Variants in EBF1 observed in about 807,000 individuals in gnomAD.
EBF1 encodes EBF transcription factor 1, also known as transcription factor COE1.
A neutral mutation model predicts 68.4 loss-of-function variants in EBF1; 10 were observed. That is an observed-to-expected ratio of 0.15 (90% CI 0.09 to 0.25). EBF1 has a LOEUF of 0.25. EBF1 is among the 10% of genes least tolerant of loss of function. The probability of loss-of-function intolerance (pLI) is 1.00; values close to 1 mark genes in which losing one functional copy is unlikely to be tolerated. For synonymous variants in EBF1, 298 were observed against 299.8 expected (o/e 0.99, Z 0.06); for missense variants, 509 against 794.4 (o/e 0.64, Z 4.32).
intron 10 of EBF1, among the ~76,000 whole-genome samples, chr5:158,736,111 C>A (rs960344771): frequency 6.6e-6 from 1 of 152,092 alleles, no homozygotes; most frequent in African/African-American, 2.4e-5. Context: ...TTAAAGAAAT[C>A]CACTTCACAA....
At chr5:159,043,729 T>C (rs1463063413) in intron 6 of EBF1, among the ~76,000 whole-genome samples, 1 of 152,232 alleles carries the variant, frequency 6.6e-6, no homozygotes, top group Non-Finnish European at 1.5e-5. Flanking sequence ...CCAAAGGTCT[T>C]AATGGTAGCA....
rs73816083 is a variant in EBF1 at position 158,890,248 on chromosome 5, T to A, written c.555-50138A>T. On this transcript the variant is annotated intron_variant, in intron 6 of 15. Coordinates refer to ENST00000313708, the MANE Select transcript of EBF1 (RefSeq NM_024007.5). ...TAAATGTTACACTTACTTAATTTTTTAAAAATGTTTAATTCCTGCTGTCTG... is the reference window on the plus strand; with the variant it reads ...TAAATGTTACACTTACTTAATTTTTAAAAAATGTTTAATTCCTGCTGTCTG... Among the ~76,000 whole-genome samples, 584 of 152,356 alleles carry A rather than the reference T, an allele frequency of 3.8e-3. 2 individuals are homozygous for A. The highest frequency in any genetic ancestry group is 0.013 in the African/African-American group (521 of 41,586).
intron 6 of EBF1, among the ~76,000 whole-genome samples, chr5:159,012,026 C>T (rs748497988): frequency 2.6e-5 from 4 of 152,040 alleles, no homozygotes; most frequent in East Asian, 3.9e-4. Flanking sequence ...CAGTGACTCA[C>T]GCCTGTAATC....
intron 6 of EBF1, among the ~76,000 whole-genome samples, chr5:159,047,610 T>C (rs1772682580): frequency 6.6e-6 from 1 of 152,140 alleles, no homozygotes; most frequent in Non-Finnish European, 1.5e-5. Flanking sequence ...GGAAGATGAA[T>C]TCATGTTTTG....
At chr5:158,984,077 A>T (rs1193745463) in intron 6 of EBF1, among the ~76,000 whole-genome samples, 1 of 152,194 alleles carries the variant, frequency 6.6e-6, no homozygotes, top group Non-Finnish European at 1.5e-5. Context: ...CTTCCAAATC[A>T]TACCTGGAAT....
chr5:158,739,262 C>T (rs1765812903), intron 10 of EBF1, among the ~76,000 whole-genome samples: 1 of 152,140 alleles, frequency 6.6e-6, no homozygotes, highest in African/African-American at 2.4e-5. Context: ...CTTTCTTGCC[C>T]TGGAGGGCTA....
chr5:158,931,395 T>C (rs1007101121), intron 6 of EBF1, among the ~76,000 whole-genome samples: 6 of 152,220 alleles, frequency 3.9e-5, no homozygotes, highest in African/African-American at 1.4e-4. Flanking sequence ...TTTTCCTTCC[T>C]CATGGTATTC....
Position 159,026,892 on chromosome 5 carries a change from C to T in EBF1, c.554+46504G>A, listed in dbSNP as rs1330268625. 2.0e-5 allele frequency among the ~76,000 whole-genome samples: 3 copies of T among 152,170 alleles called. No individual in the cohort carries two copies. The East Asian group carries it at 5.8e-4, about 29-fold the overall frequency. ...GAAAAAAGTAGGCCTCTGCCTGCAG[C>T]ACAAACAAATTCCCACTTGGGGGGA... is the stretch of plus-strand genomic sequence containing the variant. On this transcript the variant is annotated intron_variant, in intron 6 of 15. Transcript: ENST00000313708.
chr5:158,796,417 A>G lies in EBF1; in HGVS notation c.837T>C (p.Thr279=). ...AGAAATTGTCCCCTATGATGATCAC[A>G]GTCGCACCTCCCGTCGTCCATCCTT... is the stretch of plus-strand genomic sequence containing the variant. ...PSEGWTTGGA[T]VIIIGDNFFD... The change falls in exon 9 of 16, where the codon ACT becomes ACC. Residue 279 remains threonine, a synonymous_variant. Transcript: ENST00000313708. The G allele has an allele frequency of 1.2e-6, 2 of 1,613,814 alleles. No homozygotes were observed. Among genetic ancestry groups the G allele is most frequent in the Non-Finnish European group, 1.7e-6 (2 of 1,179,778 alleles).
chr5:159,017,003 G>A (rs980545389), intron 6 of EBF1, among the ~76,000 whole-genome samples: 1 of 152,156 alleles, frequency 6.6e-6, no homozygotes, highest in African/African-American at 2.4e-5. Context: ...AAAATGTTCT[G>A]ATTGCCACAT....
At chr5:158,887,416 A>G (rs1052146827) in intron 6 of EBF1, among the ~76,000 whole-genome samples, 1 of 152,226 alleles carries the variant, frequency 6.6e-6, no homozygotes, top group African/African-American at 2.4e-5. Context: ...TCCTTTCTTC[A>G]GAAACAGCCA....
In EBF1 at chr5:158,745,079, T is replaced by A. The variant is rs116041057; in HGVS notation, c.1037-13922A>T. 8.9e-3 allele frequency among the ~76,000 whole-genome samples: 1,356 copies of A among 152,318 alleles called. 24 individuals are homozygous for A. Among genetic ancestry groups the A allele is most frequent in the African/African-American group, 0.031 (1,276 of 41,570 alleles). Reference sequence around the variant, plus strand: ...ATAGTGTATAATAACTAGAATTTAATCTTCCCCTTTGGATGTTGGTGGTCT... The same window carrying A: ...ATAGTGTATAATAACTAGAATTTAAACTTCCCCTTTGGATGTTGGTGGTCT... On this transcript the variant is annotated intron_variant, in intron 10 of 15. Transcript: ENST00000313708.
At chr5:158,968,971 C>T (rs1754745868) in intron 6 of EBF1, among the ~76,000 whole-genome samples, 1 of 152,142 alleles carries the variant, frequency 6.6e-6, no homozygotes, top group African/African-American at 2.4e-5. Flanking sequence ...ATGTACCAAC[C>T]TAGCCTGGAT....
chr5:159,098,677 TGAAA>T (rs1448394993), intron 1 of EBF1, among the ~76,000 whole-genome samples: 3 of 117,160 alleles, frequency 2.6e-5, no homozygotes, highest in African/African-American at 6.7e-5. Context: ...GAGAAGGAAA[TGAAA>T]GAAAGAAGAA....
At chr5:158,936,278 C>CAT (rs1219121422) in intron 6 of EBF1, among the ~76,000 whole-genome samples, 1 of 152,160 alleles carries the variant, frequency 6.6e-6, no homozygotes, top group African/African-American at 2.4e-5. Context: ...GGATGACCCA[C>CAT]ATATATATAG....
intron 4 of EBF1, among the ~76,000 whole-genome samples, chr5:159,086,538 T>C (rs6898290): frequency 0.52 from 78,701 of 152,012 alleles, 22,160 homozygotes; most frequent in African/African-American, 0.76. Context: ...GTAGAACATC[T>C]CTCAATTTGG....
intron 6 of EBF1, among the ~76,000 whole-genome samples, chr5:158,968,702 G>A (rs1754687387): frequency 6.6e-6 from 1 of 152,138 alleles, no homozygotes; most frequent in African/African-American, 2.4e-5. Context: ...AAACATCAAA[G>A]GACTTATGAT....
At chr5:158,935,395 C>G (rs973357566) in intron 6 of EBF1, among the ~76,000 whole-genome samples, 2 of 152,190 alleles carry the variant, frequency 1.3e-5, no homozygotes, top group African/African-American at 4.8e-5. Flanking sequence ...CCCAGCAAGC[C>G]TCTGGGGAGC....
intron 6 of EBF1, among the ~76,000 whole-genome samples, chr5:159,025,219 G>T (rs1767463275): frequency 6.6e-6 from 1 of 152,152 alleles, no homozygotes; most frequent in African/African-American, 2.4e-5. Context: ...GTTTATAACT[G>T]CCTTTCTTTG....
Sources: gnomAD v4.1 joint callset for allele counts (sites outside exome capture counted in the v4.1 genomes callset) on GRCh38, gnomAD v4.1.1 for gene constraint, MANE v1.5 for transcripts, NCBI Gene and HGNC (gene_info 2026-07-23, HGNC 2026-07-21) for gene names.